Variants in RANBP2 observed in about 807,000 individuals in gnomAD.
RANBP2 encodes RAN binding protein 2.
Under a neutral mutation model 303.6 loss-of-function variants are expected in RANBP2, and 57 were observed. The ratio of observed to expected loss-of-function variants is 0.19; its 90% confidence interval spans 0.15 to 0.23. RANBP2 has a LOEUF of 0.23. Among genes scored for constraint, RANBP2 ranks in the 10% least tolerant of loss-of-function variants. The pLI is 1.00. For synonymous variants in RANBP2, 1,167 were observed against 1,301.5 expected (o/e 0.90, Z 2.23); for missense variants, 3,138 against 3,780.8 (o/e 0.83, Z 4.46).
the RANBP2 span, among the ~76,000 whole-genome samples, chr2:108,948,243 G>T: frequency 1.3e-5 from 2 of 152,264 alleles, no homozygotes; most frequent in East Asian, 3.9e-4. Context: ...CCTAAGCCTG[G>T]ACTTCATTGT....
the RANBP2 span, among the ~76,000 whole-genome samples, chr2:109,094,969 T>C: frequency 6.6e-6 from 1 of 152,230 alleles, no homozygotes; most frequent in Non-Finnish European, 1.5e-5. Flanking sequence ...AAAAATACAG[T>C]TTTAAAGATT....
chr2:109,189,890 G>A, the RANBP2 span, among the ~76,000 whole-genome samples: 1 of 152,132 alleles, frequency 6.6e-6, no homozygotes, highest in African/African-American at 2.4e-5. Context: ...AGGTTGGAGC[G>A]ATCATACTTT....
chr2:109,482,812 C>T, the RANBP2 span, among the ~76,000 whole-genome samples: 46 of 152,300 alleles, frequency 3.0e-4, 1 homozygote, highest in Non-Finnish European at 5.9e-4. Context: ...GCGGCGGTCA[C>T]GTCTTCCACC....
chr2:109,185,437 G>C, the RANBP2 span, among the ~76,000 whole-genome samples: 1 of 152,210 alleles, frequency 6.6e-6, no homozygotes, highest in South Asian at 2.1e-4. Context: ...TCCTTGATCC[G>C]AAGAGGCAAG....
intron 20 of RANBP2, among the ~76,000 whole-genome samples, chr2:108,771,455 A>AT (rs1016333458): frequency 1.6e-4 from 24 of 151,594 alleles, no homozygotes; most frequent in South Asian, 6.3e-4. Context: ...GTAAACACAA[A>AT]TTTTTTTTTG....
At chr2:109,415,149 AT>A in the RANBP2 span, among the ~76,000 whole-genome samples, 94,545 of 152,004 alleles carry the variant, frequency 0.62, 30,413 homozygotes, top group East Asian at 0.84. Context: ...AAGGCAGGGA[AT>A]TGGAGTCTCC....
chr2:109,651,597 T>C, the RANBP2 span, among the ~76,000 whole-genome samples: 10 of 152,136 alleles, frequency 6.6e-5, no homozygotes, highest in Non-Finnish European at 1.2e-4. Flanking sequence ...TGGACAAAAC[T>C]TTGAGCCCTT....
chr2:109,337,753 G>A, the RANBP2 span, among the ~76,000 whole-genome samples: 3 of 151,438 alleles, frequency 2.0e-5, no homozygotes, highest in Non-Finnish European at 4.4e-5. Flanking sequence ...TTTGAGACAG[G>A]GTTTCACTCT....
chr2:108,891,325 G>A, the RANBP2 span, among the ~76,000 whole-genome samples: 426 of 152,292 alleles, frequency 2.8e-3, 2 homozygotes, highest in Non-Finnish European at 4.4e-3. Flanking sequence ...TTTCATAGAA[G>A]AAGACTTTTT....
the RANBP2 span, among the ~76,000 whole-genome samples, chr2:109,465,313 T>A: frequency 6.6e-6 from 1 of 152,212 alleles, no homozygotes; most frequent in African/African-American, 2.4e-5. Context: ...GGACATAAAT[T>A]CGGATAAATA....
chr2:109,508,741 T>C, the RANBP2 span, among the ~76,000 whole-genome samples: 1 of 151,886 alleles, frequency 6.6e-6, no homozygotes, highest in African/African-American at 2.4e-5. Context: ...ACTTATCAGA[T>C]CAGTGAGCAG....
At chr2:109,288,691 G>T in the RANBP2 span, among the ~76,000 whole-genome samples, 1 of 152,204 alleles carries the variant, frequency 6.6e-6, no homozygotes, top group African/African-American at 2.4e-5. Flanking sequence ...TTTGCCGGGA[G>T]CCTGGGAGAT....
intron 20 of RANBP2, 84 bp downstream of exon 20, chr2:108,768,472 T>C (rs1185574450): frequency 6.2e-6 from 10 of 1,600,314 alleles, no homozygotes; most frequent in Non-Finnish European, 8.5e-6. Flanking sequence ...AGGATACTAA[T>C]GTTGGGATAT....
At chr2:108,781,534 T>C in intron 26 of RANBP2, 105 bp downstream of exon 26, 4 of 1,106,240 alleles carry the variant, frequency 3.6e-6, no homozygotes, top group Non-Finnish European at 5.3e-6. Flanking sequence ...TAAGAATGTT[T>C]ACTGTTTGAA....
chr2:109,257,001 G>A, the RANBP2 span, among the ~76,000 whole-genome samples: 1 of 152,212 alleles, frequency 6.6e-6, no homozygotes, highest in Non-Finnish European at 1.5e-5. Context: ...CAGACAGCCT[G>A]TGACCAGGCA....
chr2:109,354,677 C>T, the RANBP2 span, among the ~76,000 whole-genome samples: 18,579 of 152,222 alleles, frequency 0.12, 1,292 homozygotes, highest in Middle Eastern at 0.24. Context: ...CAGTGTGCTC[C>T]GCCAGCCACC....
chr2:109,172,808 A>C, the RANBP2 span, among the ~76,000 whole-genome samples: 2 of 152,254 alleles, frequency 1.3e-5, no homozygotes, highest in Non-Finnish European at 2.9e-5. Context: ...TAAGTTTCCC[A>C]GTGCCAGCAC....
At chr2:109,647,555 G>A in the RANBP2 span, among the ~76,000 whole-genome samples, 1 of 151,296 alleles carries the variant, frequency 6.6e-6, no homozygotes, top group Non-Finnish European at 1.5e-5. Flanking sequence ...TGCAATCTCC[G>A]CCTCCCGGGT....
intron 20 of RANBP2, 97 bp downstream of exon 20, chr2:108,768,485 A>G: frequency 1.9e-6 from 3 of 1,596,044 alleles, no homozygotes; most frequent in Non-Finnish European, 8.5e-7. Flanking sequence ...TGGGATATAA[A>G]TGATGCTTTG....
Sources: gnomAD v4.1 joint callset for allele counts (sites outside exome capture counted in the v4.1 genomes callset) on GRCh38, gnomAD v4.1.1 for gene constraint, MANE v1.5 for transcripts, NCBI Gene and HGNC (gene_info 2026-07-23, HGNC 2026-07-21) for gene names.